The following ST8SIA4 variants were observed in gnomAD, a reference collection of about 807,000 sequenced individuals.
ST8SIA4 encodes CMP-N-acetylneuraminate-poly-alpha-2,8-sialyltransferase.
ST8SIA4 carries 15 observed loss-of-function variants against 33.9 expected under a neutral mutation model. The observed-to-expected ratio is 0.44, with a 90% CI of 0.30 to 0.68. The LOEUF is 0.68. Among genes scored for constraint, ST8SIA4 ranks in the 30% least tolerant of loss-of-function variants. The pLI is 0.10. For synonymous variants in ST8SIA4, 171 were observed against 151.2 expected, an observed-to-expected ratio of 1.13 and a Z score of -0.96; for missense variants, 321 against 428.0, an observed-to-expected ratio of 0.75 and a Z score of 2.21.
intron 3 of ST8SIA4, among the ~76,000 whole-genome samples, chr5:100,861,374 T>C (rs981399883): frequency 1.3e-5 from 2 of 152,160 alleles, no homozygotes; most frequent in Non-Finnish European, 2.9e-5. Flanking sequence ...TCATAATTTC[T>C]AGAGAAATTC....
intron 4 of ST8SIA4, among the ~76,000 whole-genome samples, chr5:100,841,760 A>G (rs1385707223): frequency 6.6e-6 from 1 of 151,890 alleles, no homozygotes; most frequent in African/African-American, 2.4e-5. Context: ...TTCTTAGCCT[A>G]TACTTTTAGC....
At chr5:100,842,830 T>C (rs1422370258) in intron 4 of ST8SIA4, among the ~76,000 whole-genome samples, 1 of 151,916 alleles carries the variant, frequency 6.6e-6, no homozygotes, top group Non-Finnish European at 1.5e-5. Flanking sequence ...AATTATCAAA[T>C]ATATTAATAG....
intron 3 of ST8SIA4, among the ~76,000 whole-genome samples, chr5:100,867,964 C>T (rs904992389): frequency 6.6e-6 from 1 of 151,950 alleles, no homozygotes; most frequent in African/African-American, 2.4e-5. Context: ...GGATCATTCT[C>T]AAGCTCTATT....
intron 4 of ST8SIA4, among the ~76,000 whole-genome samples, chr5:100,836,959 T>C (rs180699490): frequency 1.3e-5 from 2 of 151,324 alleles, no homozygotes; most frequent in East Asian, 3.9e-4. Context: ...ATAGGAACTC[T>C]AAAGGAAGTC....
At chr5:100,854,506 C>G (rs1192721010) in intron 4 of ST8SIA4, among the ~76,000 whole-genome samples, 1 of 152,060 alleles carries the variant, frequency 6.6e-6, no homozygotes, top group Non-Finnish European at 1.5e-5. Context: ...CGGCGTGAAC[C>G]CAGGAGGCAG....
chr5:100,844,525 C>G (rs1751528192), intron 4 of ST8SIA4, among the ~76,000 whole-genome samples: 1 of 151,944 alleles, frequency 6.6e-6, no homozygotes, highest in Non-Finnish European at 1.5e-5. Context: ...ATTTTACTTC[C>G]TGCACTGGAT....
intron 4 of ST8SIA4, 99 bp downstream of exon 4, chr5:100,856,004 T>C: frequency 1.8e-6 from 2 of 1,086,486 alleles, no homozygotes; most frequent in Admixed American, 2.3e-5. Context: ...CATATATCCA[T>C]TTGGAGATTT....
chr5:100,823,787 C>A (rs1318147369), intron 4 of ST8SIA4, among the ~76,000 whole-genome samples: 1 of 152,198 alleles, frequency 6.6e-6, no homozygotes, highest in Non-Finnish European at 1.5e-5. Flanking sequence ...ATATAGCAAT[C>A]ATGAAATTCA....
At chr5:100,827,787 T>G (rs1399392405) in intron 4 of ST8SIA4, among the ~76,000 whole-genome samples, 4 of 152,182 alleles carry the variant, frequency 2.6e-5, no homozygotes, top group Non-Finnish European at 5.9e-5. Context: ...AGGATGTATC[T>G]TTGTCACTCT....
chr5:100,847,597 TGATG>T (rs1751596051), intron 4 of ST8SIA4, among the ~76,000 whole-genome samples: 1 of 152,120 alleles, frequency 6.6e-6, no homozygotes, highest in Admixed American at 6.6e-5. Context: ...GAAAAAAAGT[TGATG>T]GATGATGTGT....
At chr5:100,885,682 TA>T (rs2112471947) in intron 3 of ST8SIA4, 1 of 941,050 alleles carries the variant, frequency 1.1e-6, no homozygotes, top group East Asian at 1.2e-4. Context: ...ATGATGTGAT[TA>T]TAATTCCATT....
intron 4 of ST8SIA4, among the ~76,000 whole-genome samples, chr5:100,852,737 G>A (rs548117848): frequency 1.3e-5 from 2 of 152,210 alleles, no homozygotes; most frequent in South Asian, 4.1e-4. Context: ...TGAATTTTGT[G>A]ACTGATGGTT....
At chr5:100,888,457 G>A (rs2112475304) in intron 2 of ST8SIA4, among the ~76,000 whole-genome samples, 1 of 151,832 alleles carries the variant, frequency 6.6e-6, no homozygotes, top group Admixed American at 6.6e-5. Flanking sequence ...CCAGCAAAAA[G>A]CAATTTGAGA....
chr5:100,855,100 A>T (rs1270494953), intron 4 of ST8SIA4, among the ~76,000 whole-genome samples: 1 of 152,154 alleles, frequency 6.6e-6, no homozygotes, highest in African/African-American at 2.4e-5. Flanking sequence ...AACAGACTCC[A>T]TTATTCCATA....
chr5:100,892,089 C>T (rs1752682558), intron 2 of ST8SIA4, among the ~76,000 whole-genome samples: 1 of 151,874 alleles, frequency 6.6e-6, no homozygotes. Flanking sequence ...ATAAAGCTAT[C>T]CTGATGTGTA....
In ST8SIA4 at chr5:100,810,237, TGAA is replaced by T. The variant is rs1750787574; in HGVS notation, c.*1607_*1609del. ...TTTATTAATAATTTCATGTGTTTCTTGAAGAACATATGTGATATTGTGACTAAA... is the reference window on the plus strand; with the variant it reads ...TTTATTAATAATTTCATGTGTTTCTTGAACATATGTGATATTGTGACTAAA... On this transcript the variant is annotated 3_prime_UTR_variant, in exon 5 of 5. Transcript: ENST00000231461. The T allele has an allele frequency of 6.6e-6, 1 of 152,196 alleles. No homozygotes were observed. Among genetic ancestry groups the T allele is most frequent in the Non-Finnish European group, 1.5e-5 (1 of 68,014 alleles). The allele number at this position is 152,196 out of a possible 1,614,324, so 9.4% of individuals were successfully genotyped here.
chr5:100,901,006 C>T (rs988189539), intron 1 of ST8SIA4, among the ~76,000 whole-genome samples: 1 of 152,200 alleles, frequency 6.6e-6, no homozygotes, highest in Non-Finnish European at 1.5e-5. Context: ...GGCAAAAGCC[C>T]AGCCCGACTA....
intron 4 of ST8SIA4, among the ~76,000 whole-genome samples, chr5:100,847,213 T>C (rs1751588833): frequency 6.6e-6 from 1 of 152,134 alleles, no homozygotes; most frequent in Non-Finnish European, 1.5e-5. Context: ...TTAAAACAAG[T>C]AAGCCATTTT....
intron 4 of ST8SIA4, among the ~76,000 whole-genome samples, chr5:100,821,885 G>A (rs1751036898): frequency 6.6e-6 from 1 of 152,264 alleles, no homozygotes; most frequent in South Asian, 2.1e-4. Context: ...TGCCCATTTA[G>A]ACAATTGCCT....
Sources: allele counts gnomAD v4.1 joint callset (sites outside exome capture counted in the v4.1 genomes callset), GRCh38; gene constraint gnomAD v4.1.1; transcripts MANE v1.5; gene names NCBI Gene and HGNC (gene_info 2026-07-23, HGNC 2026-07-21).